Variants in GLIS3 observed in about 807,000 individuals in gnomAD.
GLIS3 encodes the protein GLIS family zinc finger 3, also known as zinc finger protein GLIS3.
Under a neutral mutation model 78.6 loss-of-function variants are expected in GLIS3, and 53 were observed. That is an observed-to-expected ratio of 0.67 (90% CI 0.54 to 0.85). The LOEUF is 0.85. Among genes scored for constraint, GLIS3 ranks in the 40% least tolerant of loss-of-function variants. The pLI, the probability that GLIS3 is intolerant of heterozygous loss-of-function variation, is 0.00. For missense variants in GLIS3, 1,703 were observed against 1,231.1 expected, an observed-to-expected ratio of 1.38 and a Z score of -5.74; for synonymous variants, 684 against 509.9, an observed-to-expected ratio of 1.34 and a Z score of -4.60.
the GLIS3 span, among the ~76,000 whole-genome samples, chr9:4,371,443 T>G: frequency 6.6e-6 from 1 of 152,230 alleles, no homozygotes; most frequent in African/African-American, 2.4e-5. Flanking sequence ...CTTCTGTATG[T>G]GGCCTGTGTT....
chr9:4,148,710 C>T (rs1364177756), intron 2 of GLIS3, among the ~76,000 whole-genome samples: 3 of 152,052 alleles, frequency 2.0e-5, no homozygotes, highest in Non-Finnish European at 4.4e-5. Flanking sequence ...TAGTAAAGAA[C>T]TTCTTTGCAC....
At chr9:3,960,888 G>C (rs553939884) in intron 4 of GLIS3, among the ~76,000 whole-genome samples, 2 of 152,310 alleles carry the variant, frequency 1.3e-5, no homozygotes, top group South Asian at 4.1e-4. Flanking sequence ...AAATTCAATT[G>C]ATTGAAATAT....
chr9:4,425,895 G>T, the GLIS3 span, among the ~76,000 whole-genome samples: 41 of 152,238 alleles, frequency 2.7e-4, no homozygotes, highest in East Asian at 9.7e-4. Flanking sequence ...CACAACATTG[G>T]TTCCAGTTCC....
chr9:4,352,778 A>G (rs552523101), upstream of GLIS3, among the ~76,000 whole-genome samples: 36 of 152,350 alleles, frequency 2.4e-4, no homozygotes, highest in Non-Finnish European at 5.9e-5. Flanking sequence ...AGATCAAAAT[A>G]CAGAATTGGT....
intron 2 of GLIS3, among the ~76,000 whole-genome samples, chr9:4,133,500 G>GTACA (rs1220779336): frequency 6.6e-6 from 1 of 152,142 alleles, no homozygotes. Flanking sequence ...GAGGTTAACA[G>GTACA]TACATAACAC....
intron 4 of GLIS3, among the ~76,000 whole-genome samples, chr9:4,051,939 T>C (rs1018901145): frequency 6.6e-6 from 1 of 152,230 alleles, no homozygotes; most frequent in African/African-American, 2.4e-5. Context: ...CTATGTATCA[T>C]GCGTATATAC....
In GLIS3 at chr9:4,286,312, A is replaced by G; in HGVS notation, c.114T>C (p.Pro38=). 6.2e-7 allele frequency: 1 copy of G among 1,614,224 alleles called. No individual in the cohort carries two copies. The highest frequency in any genetic ancestry group is 8.5e-7 in the Non-Finnish European group (1 of 1,180,012). The change falls in exon 2 of 11, where the codon CCT becomes CCC. Residue 38 remains proline (P), a synonymous_variant. Transcript: ENST00000381971. ...IPAIRAHSGT[P]GPSPCGSTSS... ...ATGTGCTGCCACAGGGCGAGGGGCC[A>G]GGAGTCCCGGAGTGGGCTCGGATGG... is the stretch of plus-strand genomic sequence containing the variant.
At chr9:3,924,152 T>A (rs1473343831) in intron 6 of GLIS3, among the ~76,000 whole-genome samples, 2 of 152,218 alleles carry the variant, frequency 1.3e-5, no homozygotes, top group East Asian at 1.9e-4. Flanking sequence ...TCTTCTGTTG[T>A]GCTATTGTCT....
intron 2 of GLIS3, among the ~76,000 whole-genome samples, chr9:4,199,995 A>G (rs1819218585): frequency 6.6e-6 from 1 of 152,180 alleles, no homozygotes; most frequent in African/African-American, 2.4e-5. Flanking sequence ...AGAAATCAAT[A>G]CCAAGAAGAC....
chr9:4,059,723 T>G (rs1826464503), intron 4 of GLIS3, among the ~76,000 whole-genome samples: 1 of 152,008 alleles, frequency 6.6e-6, no homozygotes, highest in Admixed American at 6.6e-5. Flanking sequence ...AGATTCCTCC[T>G]CTTGCCAGCA....
intron 2 of GLIS3, among the ~76,000 whole-genome samples, chr9:4,210,424 G>C (rs1287896622): frequency 1.3e-5 from 2 of 152,136 alleles, no homozygotes; most frequent in Non-Finnish European, 2.9e-5. Flanking sequence ...GAAAGCATTT[G>C]AATTGCCAAT....
At chr9:3,858,822 C>T (rs1227132000) in intron 8 of GLIS3, among the ~76,000 whole-genome samples, 1 of 152,066 alleles carries the variant, frequency 6.6e-6, no homozygotes, top group Non-Finnish European at 1.5e-5. Context: ...AGGAAGCCAC[C>T]ACTAAAAAGT....
At chr9:4,162,453 A>G (rs10814855) in intron 2 of GLIS3, among the ~76,000 whole-genome samples, 39,761 of 152,092 alleles carry the variant, frequency 0.26, 6,962 homozygotes, top group East Asian at 0.65. Context: ...TGCAGACAAA[A>G]TAATTACCCA....
intron 2 of GLIS3, among the ~76,000 whole-genome samples, chr9:4,129,442 T>TG (rs1564092731): frequency 1.3e-5 from 2 of 152,130 alleles, no homozygotes; most frequent in South Asian, 2.1e-4. Flanking sequence ...GATTGGATCA[T>TG]GGGGGGTGGA....
intron 2 of GLIS3, among the ~76,000 whole-genome samples, chr9:4,237,751 G>C (rs1390163764): frequency 6.6e-6 from 1 of 152,144 alleles, no homozygotes; most frequent in Non-Finnish European, 1.5e-5. Context: ...TTTCATTTGA[G>C]ATTAACTTTA....
At chr9:3,860,272 CAAAAAAAAAAAA>C (rs59923144) in intron 8 of GLIS3, among the ~76,000 whole-genome samples, 9 of 53,600 alleles carry the variant, frequency 1.7e-4, no homozygotes, top group African/African-American at 3.4e-4. Context: ...AAGACTCTGT[CAAAAAAAAAAAA>C]AAAAAAAAAA....
intron 2 of GLIS3, among the ~76,000 whole-genome samples, chr9:4,336,398 C>T (rs1407025019): frequency 6.6e-6 from 1 of 152,162 alleles, no homozygotes; most frequent in Non-Finnish European, 1.5e-5. Flanking sequence ...GGCCAGGTCA[C>T]CAATACTCTG....
At chr9:4,485,025 T>A in the GLIS3 span, among the ~76,000 whole-genome samples, 1 of 50,402 alleles carries the variant, frequency 2.0e-5, no homozygotes, top group African/African-American at 7.6e-5. Context: ...GGGGTGGGGG[T>A]GGTGGGGGGA....
chr9:4,182,409 C>G (rs1563711786), intron 2 of GLIS3, among the ~76,000 whole-genome samples: 2 of 152,166 alleles, frequency 1.3e-5, no homozygotes, highest in Non-Finnish European at 2.9e-5. Context: ...AAATCTTAAC[C>G]AGGTAGGGTA....
Sources: gnomAD v4.1 joint callset for allele counts (sites outside exome capture counted in the v4.1 genomes callset) on GRCh38, gnomAD v4.1.1 for gene constraint, MANE v1.5 for transcripts, NCBI Gene and HGNC (gene_info 2026-07-23, HGNC 2026-07-21) for gene names.